FGF14: variants seen among roughly 807,000 people sequenced by gnomAD.
The protein encoded by FGF14 is fibroblast growth factor homologous factor 4.
Under a neutral mutation model 25.5 loss-of-function variants are expected in FGF14, and 5 were observed. That is an observed-to-expected ratio of 0.20 (90% CI 0.10 to 0.41). The LOEUF is 0.41. Ranked by LOEUF, FGF14 falls within the 10% of genes least tolerant of loss-of-function variation. FGF14 has a pLI of 1.00. For missense variants in FGF14, 222 were observed against 320.1 expected (o/e 0.69, Z 2.34); for synonymous variants, 138 against 118.3 (o/e 1.17, Z -1.08).
intron 1 of FGF14, among the ~76,000 whole-genome samples, chr13:101,929,213 G>C (rs780391404): frequency 9.8e-5 from 15 of 152,290 alleles, no homozygotes. Flanking sequence ...GCACGTGCAA[G>C]AACAGTGGAA....
chr13:102,365,530 C>T (rs2057685648), intron 1 of FGF14, among the ~76,000 whole-genome samples: 1 of 152,138 alleles, frequency 6.6e-6, no homozygotes, highest in Admixed American at 6.5e-5. Context: ...TTATATTTCC[C>T]CATGCTTGTT....
chr13:102,118,421 C>A (rs1319669060), intron 1 of FGF14, among the ~76,000 whole-genome samples: 3 of 151,842 alleles, frequency 2.0e-5, no homozygotes, highest in Non-Finnish European at 4.4e-5. Context: ...ACCCCAGTGA[C>A]AATAAAAGCC....
At chr13:102,121,669 A>C (rs2045733605) in intron 1 of FGF14, among the ~76,000 whole-genome samples, 1 of 152,180 alleles carries the variant, frequency 6.6e-6, no homozygotes, top group African/African-American at 2.4e-5. Flanking sequence ...AAATAGTCTA[A>C]AGTATATATG....
At chr13:101,828,755 G>C (rs2042528884) in intron 3 of FGF14, among the ~76,000 whole-genome samples, 1 of 152,044 alleles carries the variant, frequency 6.6e-6, no homozygotes, top group South Asian at 2.1e-4. Context: ...GCTGGGTTGA[G>C]ATAAAAATAT....
chr13:102,338,869 G>A (rs907733490), intron 1 of FGF14, among the ~76,000 whole-genome samples: 11 of 151,852 alleles, frequency 7.2e-5, no homozygotes, highest in African/African-American at 2.7e-4. Context: ...AAATTAGCCA[G>A]GCATGGTGGT....
chr13:101,754,459 T>G (rs2037510586), intron 3 of FGF14, among the ~76,000 whole-genome samples: 1 of 152,208 alleles, frequency 6.6e-6, no homozygotes, highest in Non-Finnish European at 1.5e-5. Context: ...CCAGGTGCAG[T>G]GGCTCACACC....
intron 1 of FGF14, among the ~76,000 whole-genome samples, chr13:102,197,009 T>C (rs567354495): frequency 3.3e-5 from 5 of 151,994 alleles, no homozygotes; most frequent in South Asian, 2.1e-4. Flanking sequence ...TGGACTCTAG[T>C]GGTCTCAATG....
chr13:101,792,151 G>A (rs752124690), intron 3 of FGF14, among the ~76,000 whole-genome samples: 1 of 152,074 alleles, frequency 6.6e-6, no homozygotes, highest in African/African-American at 2.4e-5. Context: ...GAAAATGCAA[G>A]TAGAATAAGT....
intron 1 of FGF14, among the ~76,000 whole-genome samples, chr13:102,320,731 C>T (rs1394352912): frequency 6.6e-6 from 1 of 152,178 alleles, no homozygotes; most frequent in East Asian, 1.9e-4. Context: ...TCTATCTACT[C>T]ACCTACATAT....
chr13:101,993,529 T>C (rs976838820), intron 1 of FGF14, among the ~76,000 whole-genome samples: 1 of 152,004 alleles, frequency 6.6e-6, no homozygotes, highest in Non-Finnish European at 1.5e-5. Context: ...AGCTAGTGAA[T>C]AGTGAAATGT....
intron 1 of FGF14, among the ~76,000 whole-genome samples, chr13:102,014,677 C>T (rs549105724): frequency 6.6e-6 from 1 of 152,134 alleles, no homozygotes; most frequent in Non-Finnish European, 1.5e-5. Flanking sequence ...AAACACAAGT[C>T]TTCCATTTTC....
At chr13:102,031,808 C>A (rs1323219953) in intron 1 of FGF14, among the ~76,000 whole-genome samples, 1 of 151,990 alleles carries the variant, frequency 6.6e-6, no homozygotes, top group Admixed American at 6.6e-5. Flanking sequence ...TGACAGGAAT[C>A]TATAGTCAAA....
chr13:101,821,203 C>T (rs1297095377), intron 3 of FGF14, among the ~76,000 whole-genome samples: 8 of 152,188 alleles, frequency 5.3e-5, no homozygotes, highest in Non-Finnish European at 1.2e-4. Context: ...CCGCCTCGGC[C>T]TCCCAAAGTG....
intron 1 of FGF14, among the ~76,000 whole-genome samples, chr13:102,301,980 A>G (rs1208651993): frequency 6.6e-6 from 1 of 152,010 alleles, no homozygotes; most frequent in African/African-American, 2.4e-5. Context: ...CTGTGTCCAG[A>G]CACTCTGTCT....
chr13:101,781,147 TC>T (rs1769557199), intron 3 of FGF14, among the ~76,000 whole-genome samples: 1 of 139,834 alleles, frequency 7.2e-6, no homozygotes, highest in African/African-American at 2.6e-5. Flanking sequence ...TCTCTCTCTC[TC>T]TCTCACTCAC....
chr13:101,871,296 C>T (rs191016905), intron 2 of FGF14, among the ~76,000 whole-genome samples: 35 of 152,146 alleles, frequency 2.3e-4, no homozygotes, highest in Admixed American at 2.2e-3. Flanking sequence ...CAACTCTGGC[C>T]GCACGTTAAA....
At chr13:102,035,668 A>G (rs1241217609) in intron 1 of FGF14, among the ~76,000 whole-genome samples, 1 of 152,188 alleles carries the variant, frequency 6.6e-6, no homozygotes, top group South Asian at 2.1e-4. Context: ...AGGAAGCTAT[A>G]TTTCTGTAAT....
At chr13:101,831,488 C>T (rs1239049313) in intron 3 of FGF14, among the ~76,000 whole-genome samples, 2 of 152,052 alleles carry the variant, frequency 1.3e-5, no homozygotes, top group African/African-American at 4.8e-5. Context: ...AACCCAGGCA[C>T]TAGCAGTAAC....
intron 1 of FGF14, among the ~76,000 whole-genome samples, chr13:102,297,201 T>C (rs562745140): frequency 6.6e-6 from 1 of 152,056 alleles, no homozygotes; most frequent in South Asian, 2.1e-4. Context: ...ATGAAGAAAA[T>C]ATCAGACAAA....
Sources: gnomAD v4.1 joint callset for allele counts (sites outside exome capture counted in the v4.1 genomes callset) on GRCh38, gnomAD v4.1.1 for gene constraint, MANE v1.5 for transcripts, NCBI Gene and HGNC (gene_info 2026-07-23, HGNC 2026-07-21) for gene names.